Variants in CDH12 observed in about 807,000 individuals in gnomAD.
The protein encoded by CDH12 is cadherin 12.
A neutral mutation model predicts 74.1 loss-of-function variants in CDH12; 41 were observed. The observed-to-expected ratio is 0.55, with a 90% CI of 0.43 to 0.72. CDH12 has a LOEUF of 0.72. Among genes scored for constraint, CDH12 ranks in the 30% least tolerant of loss-of-function variants. The pLI is 0.00. For missense variants in CDH12, 945 were observed against 977.2 expected (o/e 0.97, Z 0.44); for synonymous variants, 399 against 355.0 (o/e 1.12, Z -1.39).
chr5:22,656,609 G>C (rs12517029), intron 1 of CDH12, among the ~76,000 whole-genome samples: 22,481 of 152,072 alleles, frequency 0.15, 2,239 homozygotes, highest in Admixed American at 0.33. Context: ...AAATTTCTTA[G>C]TGAAAATATT....
intron 4 of CDH12, among the ~76,000 whole-genome samples, chr5:22,178,586 A>G (rs1336877529): frequency 6.6e-6 from 1 of 152,194 alleles, no homozygotes; most frequent in African/African-American, 2.4e-5. Context: ...TGCTGTTAAC[A>G]TTTAACACAT....
intron 8 of CDH12, among the ~76,000 whole-genome samples, chr5:21,823,561 A>G (rs918042377): frequency 6.6e-6 from 1 of 152,142 alleles, no homozygotes; most frequent in Non-Finnish European, 1.5e-5. Flanking sequence ...AAGCAACTAG[A>G]TATTACTATA....
chr5:22,760,251 C>T (rs909489174), intron 1 of CDH12, among the ~76,000 whole-genome samples: 1 of 152,140 alleles, frequency 6.6e-6, no homozygotes, highest in Non-Finnish European at 1.5e-5. Flanking sequence ...AAAGACAATA[C>T]AGTTTGTTGG....
chr5:21,882,959 A>G, intron 6 of CDH12: 1 of 1,599,714 alleles, frequency 6.3e-7, no homozygotes, highest in Non-Finnish European at 8.6e-7. Flanking sequence ...CAGGCTCTAT[A>G]GCCAAGGAAG....
chr5:22,627,767 T>C (rs547093560), intron 1 of CDH12, among the ~76,000 whole-genome samples: 1 of 152,008 alleles, frequency 6.6e-6, no homozygotes, highest in African/African-American at 2.4e-5. Context: ...GAGCTAAATG[T>C]CCCAATTAAA....
At chr5:21,752,351 A>G in intron 14 of CDH12, 115 bp from the exon 15 acceptor site, 1 of 815,238 alleles carries the variant, frequency 1.2e-6, no homozygotes, top group Admixed American at 2.5e-5. Context: ...ACCTCCTGTT[A>G]CTTTCATAGT....
At chr5:22,221,963 C>A (rs2150369254) in intron 3 of CDH12, among the ~76,000 whole-genome samples, 1 of 151,990 alleles carries the variant, frequency 6.6e-6, no homozygotes, top group Admixed American at 6.6e-5. Flanking sequence ...TTCAGTGTCT[C>A]AGTTTTTATT....
At chr5:21,894,662 C>T (rs563551092) in intron 6 of CDH12, among the ~76,000 whole-genome samples, 2 of 152,212 alleles carry the variant, frequency 1.3e-5, no homozygotes, top group African/African-American at 4.8e-5. Context: ...TTATTCAGAT[C>T]ATTTAAAGAA....
chr5:22,291,483 G>A (rs955676521), intron 3 of CDH12, among the ~76,000 whole-genome samples: 1 of 152,124 alleles, frequency 6.6e-6, no homozygotes, highest in Non-Finnish European at 1.5e-5. Flanking sequence ...CTAAAGTGCT[G>A]TTAGAATTAG....
intron 1 of CDH12, among the ~76,000 whole-genome samples, chr5:22,627,750 T>A (rs980122693): frequency 6.6e-6 from 1 of 152,104 alleles, no homozygotes; most frequent in Admixed American, 6.5e-5. Flanking sequence ...TACCCTTGAA[T>A]GTGAATGAGC....
At chr5:22,551,748 T>A (rs1208403442) in intron 1 of CDH12, among the ~76,000 whole-genome samples, 2 of 151,370 alleles carry the variant, frequency 1.3e-5, no homozygotes, top group African/African-American at 2.4e-5. Flanking sequence ...AAACCAAAAA[T>A]AATTGTTGTT....
intron 3 of CDH12, among the ~76,000 whole-genome samples, chr5:22,298,005 T>C (rs113277674): frequency 6.6e-6 from 1 of 151,872 alleles, no homozygotes; most frequent in African/African-American, 2.4e-5. Context: ...TGCCAGCTAT[T>C]GCTTTTAATA....
intron 3 of CDH12, among the ~76,000 whole-genome samples, chr5:22,257,454 C>T (rs184976470): frequency 6.6e-6 from 1 of 150,716 alleles, no homozygotes; most frequent in African/African-American, 2.4e-5. Flanking sequence ...CCCATTTATG[C>T]CTGAGGTTGC....
intron 9 of CDH12, among the ~76,000 whole-genome samples, chr5:21,809,348 T>G (rs1186935936): frequency 1.3e-5 from 2 of 152,072 alleles, no homozygotes; most frequent in Non-Finnish European, 2.9e-5. Context: ...ATATTTCCCC[T>G]AAAAAATTAC....
intron 1 of CDH12, among the ~76,000 whole-genome samples, chr5:22,546,007 C>A (rs929504565): frequency 1.3e-5 from 2 of 151,968 alleles, no homozygotes; most frequent in Non-Finnish European, 2.9e-5. Flanking sequence ...TACAATGGCA[C>A]AATCTCGGCT....
intron 4 of CDH12, among the ~76,000 whole-genome samples, chr5:22,148,958 A>C (rs1455308631): frequency 1.3e-5 from 2 of 152,132 alleles, no homozygotes; most frequent in African/African-American, 4.8e-5. Context: ...GTCTCACTAA[A>C]AATACAAAAA....
At chr5:21,868,771 C>T (rs1381526341) in intron 6 of CDH12, among the ~76,000 whole-genome samples, 2 of 152,180 alleles carry the variant, frequency 1.3e-5, no homozygotes, top group Non-Finnish European at 2.9e-5. Flanking sequence ...GTTTGAATCT[C>T]ACCCATATCT....
At chr5:22,251,255 G>A (rs1250600348) in intron 3 of CDH12, among the ~76,000 whole-genome samples, 2 of 152,158 alleles carry the variant, frequency 1.3e-5, no homozygotes, top group Non-Finnish European at 2.9e-5. Flanking sequence ...AGAATGCAGG[G>A]GAAGGATCAG....
intron 1 of CDH12, among the ~76,000 whole-genome samples, chr5:22,692,956 C>T (rs1374400522): frequency 3.3e-5 from 5 of 152,030 alleles, no homozygotes; most frequent in East Asian, 3.9e-4. Context: ...TGAATTCACA[C>T]CAAACACTAA....
Sources: gnomAD v4.1 joint callset for allele counts (sites outside exome capture counted in the v4.1 genomes callset) on GRCh38, gnomAD v4.1.1 for gene constraint, MANE v1.5 for transcripts, NCBI Gene and HGNC (gene_info 2026-07-23, HGNC 2026-07-21) for gene names.